The following KCNQ1 variants were observed in gnomAD, a reference collection of about 807,000 sequenced individuals.
The protein encoded by KCNQ1 is potassium voltage-gated channel subfamily Q member 1.
Under a neutral mutation model 72.4 loss-of-function variants are expected in KCNQ1, and 49 were observed. The observed-to-expected ratio is 0.68, with a 90% CI of 0.54 to 0.86. KCNQ1 has a LOEUF of 0.86. KCNQ1 is among the 40% of genes least tolerant of loss of function. The probability of loss-of-function intolerance (pLI) is 0.00; values close to 1 mark genes in which losing one functional copy is unlikely to be tolerated. For synonymous variants in KCNQ1, 450 were observed against 412.6 expected, an observed-to-expected ratio of 1.09 and a Z score of -1.10; for missense variants, 790 against 945.1, an observed-to-expected ratio of 0.84 and a Z score of 2.15.
In KCNQ1 at chr11:2,818,689, T is replaced by C. The variant is rs981169856; in HGVS notation, c.1795-29078T>C. Among the ~76,000 whole-genome samples the C allele has an allele frequency of 2.0e-5, 3 of 152,134 alleles. No individual in the cohort carries two copies. The highest frequency in any genetic ancestry group is 7.2e-5 in the African/African-American group (3 of 41,422). ...TAACCGGGCCCACCTGTTGGGTCCT[T>C]AGCACCAGCTGCCCAGAGCCCCCAG... On this transcript the variant is annotated intron_variant, in intron 15 of 15. Coordinates refer to ENST00000155840, the MANE Select transcript of KCNQ1 (RefSeq NM_000218.3). This position sits in a 1 kb window ranked among gnomAD's most constrained non-coding sequence, Gnocchi z 7.2.
intron 1 of KCNQ1, among the ~76,000 whole-genome samples, chr11:2,523,700 G>A (rs988706061): frequency 1.3e-5 from 2 of 151,852 alleles, no homozygotes; most frequent in Admixed American, 1.3e-4. Flanking sequence ...GAAGGGCAGA[G>A]GAGCTGCAGG....
chr11:2,687,336 G>A lies in KCNQ1; in HGVS notation c.1514+25255G>A. On this transcript the variant is annotated intron_variant, in intron 11 of 15. Transcript: ENST00000155840. The surrounding 1 kb of genome is among the most constrained non-coding windows in gnomAD (Gnocchi z 5.0). The stretch of plus-strand genomic sequence containing the variant: ...GGCTCTGGCTGAGGGCTGTGAGCCA[G>A]AGGCTGAGGTAGCCAGGTCTGCCTT... 2.5e-6 allele frequency: 1 copy of A among 398,694 alleles called. No individual in the cohort carries two copies. Among genetic ancestry groups the A allele is most frequent in the Non-Finnish European group, 4.4e-6 (1 of 226,098 alleles). The allele number at this position is 398,694 out of a possible 1,614,324, so 24.7% of individuals were successfully genotyped here.
rs113175447 is a variant in KCNQ1 at position 2,767,186 on chromosome 11, ATT to A, written c.1515-1648_1515-1647del. Reference sequence around the variant, plus strand: ...CATCTATATGTGTGTGTGTGTGTGTATTTTTTTTTTTCTTTGCTTAGCTAGGA... The same window carrying A: ...CATCTATATGTGTGTGTGTGTGTGTATTTTTTTTTCTTTGCTTAGCTAGGA... On this transcript the variant is annotated intron_variant, in intron 11 of 15. Coordinates refer to ENST00000155840, the MANE Select transcript of KCNQ1 (RefSeq NM_000218.3). This position sits in a 1 kb window ranked among gnomAD's most constrained non-coding sequence, Gnocchi z 4.6. 1.4e-5 allele frequency among the ~76,000 whole-genome samples: 2 copies of A among 147,518 alleles called. No individual in the cohort carries two copies. Among genetic ancestry groups the A allele is most frequent in the African/African-American group, 5.0e-5 (2 of 40,166 alleles).
Position 2,710,195 on chromosome 11 carries a change from G to A in KCNQ1, c.1514+48114G>A, listed in dbSNP as rs557154392. Among the ~76,000 whole-genome samples, 7 of 152,312 alleles carry A rather than the reference G, an allele frequency of 4.6e-5. No individual in the cohort carries two copies. The East Asian group carries it at 1.4e-3, about 29-fold the overall frequency. On this transcript the variant is annotated intron_variant, in intron 11 of 15. Transcript: ENST00000155840. This position sits in a 1 kb window ranked among gnomAD's most constrained non-coding sequence, Gnocchi z 4.1. ...TTTTAGCCATCTTAGTGGGTGTGAA[G>A]TGATATCTCCTAGTGGTTTTGATTT...
chr11:2,453,592 G>T (rs540660247), intron 1 of KCNQ1, among the ~76,000 whole-genome samples: 1 of 152,358 alleles, frequency 6.6e-6, no homozygotes, highest in African/African-American at 2.4e-5. Context: ...GGCGAGAGGG[G>T]TGTCGAGGAA....
rs1362747998 is a variant in KCNQ1, at chr11:2,733,853, C to CACTCTT, written c.1515-34991_1515-34990insACTCTT. Reference sequence around the variant, plus strand: ...TCTCTCTCTCTCTCTCTCTCTCTCTCTCTCCCCCCCCACTTCAGGGCCTTC... The same window carrying CACTCTT: ...TCTCTCTCTCTCTCTCTCTCTCTCTCACTCTTTCTCCCCCCCCACTTCAGGGCCTTC... On this transcript the variant is annotated intron_variant, in intron 11 of 15. Transcript: ENST00000155840. Among the ~76,000 whole-genome samples the CACTCTT allele has an allele frequency of 6.4e-3, 326 of 50,786 alleles. 12 individuals carry two copies. Among genetic ancestry groups the CACTCTT allele is most frequent in the Middle Eastern group, 0.015 (1 of 68 alleles). The allele number at this position is 50,786 out of a possible 152,430, so 33.3% of individuals were successfully genotyped here. A position where few individuals can be genotyped will look rare whatever the true frequency, so the allele number is the denominator to read the frequency against.
At chr11:2,529,026 G>T (rs1008606159) in intron 2 of KCNQ1, among the ~76,000 whole-genome samples, 2 of 152,218 alleles carry the variant, frequency 1.3e-5, no homozygotes, top group Non-Finnish European at 2.9e-5. Context: ...CTCCATGGTG[G>T]CTGGGAGTTT....
rs1019324649 is a variant in KCNQ1, at chr11:2,715,549, ATGCCTG to A, written c.1515-53290_1515-53285del. On this transcript the variant is annotated intron_variant, in intron 11 of 15. Coordinates refer to ENST00000155840, the MANE Select transcript of KCNQ1 (RefSeq NM_000218.3). This position sits in a 1 kb window ranked among gnomAD's most constrained non-coding sequence, Gnocchi z 4.9. ...GTTTCCAGCCGGAGTGTACCTGGGG[ATGCCTG>A]TGCCCAAGCCTTCCTCTTCCACCAC... 6.6e-6 allele frequency among the ~76,000 whole-genome samples: 1 copy of A among 152,012 alleles called. No homozygotes were observed. Among genetic ancestry groups the A allele is most frequent in the African/African-American group, 2.4e-5 (1 of 41,364 alleles).
At chr11:2,528,103 G>A (rs1847543564) in intron 2 of KCNQ1, 85 bp downstream of exon 2, 2 of 1,189,454 alleles carry the variant, frequency 1.7e-6, no homozygotes, top group African/African-American at 1.5e-5. Context: ...ATAAGGTGGG[G>A]GGCAGAGCCA....
At position 2,624,466 on chromosome 11, in the gene KCNQ1, G is replaced by A; in HGVS notation, c.1393+35612G>A. 1 of 398,300 alleles carries A rather than the reference G, an allele frequency of 2.5e-6. No individual in the cohort carries two copies. The highest frequency in any genetic ancestry group is 4.4e-6 in the Non-Finnish European group (1 of 225,998). 24.7% of individuals were successfully genotyped at this position (398,300 alleles called of 1,614,324 possible). On this transcript the variant is annotated intron_variant, in intron 10 of 15. Coordinates refer to ENST00000155840, the MANE Select transcript of KCNQ1 (RefSeq NM_000218.3). The surrounding 1 kb of genome is among the most constrained non-coding windows in gnomAD (Gnocchi z 4.9). Reference sequence around the variant, plus strand: ...ATTTCTTTCATGAATCATGCCTTTGGTGTCATATCTAAAAAGCCATCACCA... The same window carrying A: ...ATTTCTTTCATGAATCATGCCTTTGATGTCATATCTAAAAAGCCATCACCA...
At chr11:2,747,370 G>A (rs1021421354) in intron 11 of KCNQ1, among the ~76,000 whole-genome samples, 14 of 152,220 alleles carry the variant, frequency 9.2e-5, no homozygotes, top group African/African-American at 2.9e-4. Flanking sequence ...GGGAGGGAGG[G>A]AGGGAAAGAC....
At position 2,668,669 on chromosome 11, in the gene KCNQ1, A is replaced by C; in HGVS notation, c.1514+6588A>C. On this transcript the variant is annotated intron_variant, in intron 11 of 15. Transcript: ENST00000155840. This position sits in a 1 kb window ranked among gnomAD's most constrained non-coding sequence, Gnocchi z 4.3. Reference sequence around the variant, plus strand: ...ATATATCTTTAGATATTCTGGAGTCATTTGTCAGAGAGAGAGATACACACA... The same window carrying C: ...ATATATCTTTAGATATTCTGGAGTCCTTTGTCAGAGAGAGAGATACACACA... 2.5e-6 allele frequency: 1 copy of C among 398,524 alleles called. No homozygotes were observed. Among genetic ancestry groups the C allele is most frequent in the Non-Finnish European group, 4.4e-6 (1 of 226,052 alleles). 24.7% of individuals were successfully genotyped at this position (398,524 alleles called of 1,614,324 possible).
Position 2,571,277 on chromosome 11 carries a change from C to A in KCNQ1, c.605-48C>A, listed in dbSNP as rs766565637. 4 of 1,484,006 alleles carry A rather than the reference C, an allele frequency of 2.7e-6. No individual in the cohort carries two copies. The East Asian group carries it at 9.0e-5, about 34-fold the overall frequency. The allele number at this position is 1,484,006 out of a possible 1,614,324, so 91.9% of individuals were successfully genotyped here. ...CAGGGTGTATGCTCTTCCCTGGGGC[C>A]CTGGCTGTGGCGATCACGAAAAGCT... On this transcript the variant is annotated intron_variant, in intron 3 of 15. Coordinates refer to ENST00000155840, the MANE Select transcript of KCNQ1 (RefSeq NM_000218.3).
intron 11 of KCNQ1, among the ~76,000 whole-genome samples, chr11:2,733,814 A>ACACACACACACACACTCTCTCTCTCT: frequency 2.3e-5 from 2 of 86,612 alleles, no homozygotes; most frequent in Non-Finnish European, 2.4e-5. Flanking sequence ...ACACACACAC[A>ACACACACACACACACTCTCTCTCTCT]CTCTCTCACT....
At chr11:2,535,838 G>C (rs1847722478) in intron 2 of KCNQ1, among the ~76,000 whole-genome samples, 1 of 152,232 alleles carries the variant, frequency 6.6e-6, no homozygotes, top group African/African-American at 2.4e-5. Flanking sequence ...GGCTGTTTAG[G>C]AGAGGAACCC....
intron 15 of KCNQ1, among the ~76,000 whole-genome samples, chr11:2,778,753 C>G (rs1846762420): frequency 6.6e-6 from 1 of 152,254 alleles, no homozygotes; most frequent in African/African-American, 2.4e-5. Context: ...TGGACTTTAT[C>G]TGAAAGTAGC....
At chr11:2,741,728 C>T (rs1011554120) in intron 11 of KCNQ1, among the ~76,000 whole-genome samples, 10 of 152,244 alleles carry the variant, frequency 6.6e-5, no homozygotes, top group East Asian at 1.9e-4. Flanking sequence ...GTGCTCGGGC[C>T]GGAGCACAGC....
At chr11:2,529,450 G>A (rs1451847682) in intron 2 of KCNQ1, among the ~76,000 whole-genome samples, 3 of 151,996 alleles carry the variant, frequency 2.0e-5, no homozygotes, top group Non-Finnish European at 4.4e-5. Flanking sequence ...ACATCTCGGT[G>A]GTCTCCAGGA....
rs544228622 is a variant in KCNQ1 at position 2,532,141 on chromosome 11, C to T, written c.477+4123C>T. Among the ~76,000 whole-genome samples, 7 of 152,318 alleles carry T rather than the reference C, an allele frequency of 4.6e-5. No homozygotes were observed. In the East Asian group the frequency reaches 7.7e-4, roughly 17 times the overall value. ...GCACTATCCTGCACACCATCCCCGC[C>T]GACCTGCCCTGTTCTGGGTTCATGG... On this transcript the variant is annotated intron_variant, in intron 2 of 15. Coordinates refer to ENST00000155840, the MANE Select transcript of KCNQ1 (RefSeq NM_000218.3).
Sources: gnomAD v4.1 joint callset for allele counts (sites outside exome capture counted in the v4.1 genomes callset) on GRCh38, gnomAD v4.1.1 for gene constraint, Gnocchi (gnomAD v3.1) non-coding constraint, MANE v1.5 for transcripts, NCBI Gene and HGNC (gene_info 2026-07-23, HGNC 2026-07-21) for gene names.